Variants in CTNNA2 observed in about 807,000 individuals in gnomAD.
CTNNA2 encodes the protein catenin alpha-2.
CTNNA2 carries 42 observed loss-of-function variants against 101.0 expected under a neutral mutation model. The ratio of observed to expected loss-of-function variants is 0.42; its 90% confidence interval spans 0.32 to 0.54. CTNNA2 has a LOEUF of 0.54. Ranked by LOEUF, CTNNA2 falls within the 20% of genes least tolerant of loss-of-function variation. CTNNA2 has a pLI of 0.14. For synonymous variants in CTNNA2, 450 were observed against 456.4 expected, an observed-to-expected ratio of 0.99 and a Z score of 0.18; for missense variants, 871 against 1,223.1, an observed-to-expected ratio of 0.71 and a Z score of 4.29.
At chr2:79,192,153 G>T (rs1231296664) in intron 1 of CTNNA2, among the ~76,000 whole-genome samples, 1 of 151,894 alleles carries the variant, frequency 6.6e-6, no homozygotes, top group Non-Finnish European at 1.5e-5. Flanking sequence ...GGAGGGAGGG[G>T]GTGTAACGAG....
chr2:79,229,937 AG>A (rs1674468393), intron 2 of CTNNA2, among the ~76,000 whole-genome samples: 1 of 152,172 alleles, frequency 6.6e-6, no homozygotes, highest in Admixed American at 6.5e-5. Flanking sequence ...TGAACTTGAG[AG>A]GGATAATTTA....
intron 3 of CTNNA2, among the ~76,000 whole-genome samples, chr2:79,770,273 C>T (rs1458496622): frequency 6.6e-6 from 1 of 152,160 alleles, no homozygotes; most frequent in South Asian, 2.1e-4. Context: ...ACGAGGATTG[C>T]TTCCCTGTCT....
intron 1 of CTNNA2, among the ~76,000 whole-genome samples, chr2:79,194,476 T>A (rs1673932936): frequency 1.3e-5 from 2 of 152,192 alleles, no homozygotes; most frequent in Admixed American, 1.3e-4. Flanking sequence ...AGGCTATTGG[T>A]CTTTCTCTGG....
At chr2:79,528,055 A>G (rs1255268962) in intron 1 of CTNNA2, among the ~76,000 whole-genome samples, 1 of 152,248 alleles carries the variant, frequency 6.6e-6, no homozygotes, top group African/African-American at 2.4e-5. Context: ...AAAGAAAGCC[A>G]GACACAAAAT....
chr2:80,549,316 T>A (rs1028041165), intron 11 of CTNNA2, among the ~76,000 whole-genome samples: 1 of 152,026 alleles, frequency 6.6e-6, no homozygotes, highest in Non-Finnish European at 1.5e-5. Flanking sequence ...TGCCCAAGAG[T>A]TTTGCTTTTT....
chr2:79,844,835 T>C (rs1382281346), intron 3 of CTNNA2, among the ~76,000 whole-genome samples: 1 of 152,092 alleles, frequency 6.6e-6, no homozygotes, highest in East Asian at 1.9e-4. Flanking sequence ...ACTCTGTCTT[T>C]TAGAAACTCA....
At chr2:80,157,347 C>T (rs1392277844) in intron 7 of CTNNA2, among the ~76,000 whole-genome samples, 5 of 152,098 alleles carry the variant, frequency 3.3e-5, no homozygotes, top group Admixed American at 6.5e-5. Flanking sequence ...TCTCAGTAAG[C>T]CCAGCAGGAA....
chr2:79,968,755 A>G (rs1690264544), intron 7 of CTNNA2, among the ~76,000 whole-genome samples: 3 of 152,126 alleles, frequency 2.0e-5, no homozygotes, highest in African/African-American at 7.2e-5. Context: ...TGGTTACTTG[A>G]TATCTGTATG....
chr2:80,218,289 A>G (rs1708386240), intron 7 of CTNNA2, among the ~76,000 whole-genome samples: 1 of 152,240 alleles, frequency 6.6e-6, no homozygotes, highest in South Asian at 2.1e-4. Flanking sequence ...TCTTATGGGA[A>G]GAGGCTGAGG....
intron 3 of CTNNA2, among the ~76,000 whole-genome samples, chr2:79,318,173 T>C (rs1247432378): frequency 6.6e-6 from 1 of 152,146 alleles, no homozygotes; most frequent in Non-Finnish European, 1.5e-5. Context: ...GATAGAATGT[T>C]ATGCACACAT....
rs889010828 is a variant in CTNNA2 at position 80,305,219 on chromosome 2, T to C, written c.1057-87992T>C. The C allele has an allele frequency of 8.1e-6, 8 of 985,366 alleles. No individual in the cohort carries two copies. In the East Asian group the frequency reaches 9.1e-4, roughly 112 times the overall value. 61.0% of individuals were successfully genotyped at this position (985,366 alleles called of 1,614,324 possible). ...TCTTGCGGGTACTGGAATTCTGCAG[T>C]CAGCCAGCCCTTTTTTGAGGTGGAG... On this transcript the variant is annotated intron_variant, in intron 7 of 18. Transcript: ENST00000402739.
At chr2:79,469,853 T>A (rs1202399423) in intron 4 of CTNNA2, among the ~76,000 whole-genome samples, 1 of 152,164 alleles carries the variant, frequency 6.6e-6, no homozygotes, top group East Asian at 1.9e-4. Flanking sequence ...AAACTCTCAA[T>A]AAATTAGCTA....
intron 6 of CTNNA2, among the ~76,000 whole-genome samples, chr2:79,876,745 T>G (rs978881544): frequency 6.6e-6 from 1 of 152,202 alleles, no homozygotes; most frequent in Non-Finnish European, 1.5e-5. Flanking sequence ...CAAAAGGCTT[T>G]CATTCATAAA....
intron 4 of CTNNA2, among the ~76,000 whole-genome samples, chr2:79,495,194 T>C (rs1304097076): frequency 6.6e-6 from 1 of 152,110 alleles, no homozygotes; most frequent in Non-Finnish European, 1.5e-5. Flanking sequence ...ACCCACAGAA[T>C]GGAATAAAGT....
intron 11 of CTNNA2, among the ~76,000 whole-genome samples, chr2:80,550,325 G>C (rs533821657): frequency 1.3e-5 from 2 of 152,306 alleles, no homozygotes; most frequent in South Asian, 2.1e-4. Flanking sequence ...GGTAGGGGGG[G>C]TTTCCTTGAT....
intron 3 of CTNNA2, among the ~76,000 whole-genome samples, chr2:79,829,868 T>C (rs1003092487): frequency 8.6e-5 from 13 of 151,880 alleles, no homozygotes; most frequent in East Asian, 5.9e-4. Context: ...TACAGGCGCC[T>C]GCCACCACGC....
intron 7 of CTNNA2, among the ~76,000 whole-genome samples, chr2:80,354,949 C>T (rs1031970607): frequency 2.6e-5 from 4 of 152,102 alleles, no homozygotes; most frequent in South Asian, 2.1e-4. Context: ...CACCTCTAAA[C>T]CACTCTAATA....
intron 7 of CTNNA2, among the ~76,000 whole-genome samples, chr2:80,076,943 G>A (rs927974606): frequency 2.6e-5 from 4 of 152,088 alleles, no homozygotes; most frequent in African/African-American, 4.8e-5. Context: ...CTACTTGGGA[G>A]GCTGAGGTAG....
chr2:80,393,141 T>C, intron 7 of CTNNA2, 70 bp from the exon 8 acceptor site: 1 of 1,201,884 alleles, frequency 8.3e-7, no homozygotes, highest in Non-Finnish European at 1.2e-6. Flanking sequence ...GTTTTCCTGA[T>C]TTTTTTAAAT....
Sources: allele counts gnomAD v4.1 joint callset (sites outside exome capture counted in the v4.1 genomes callset), GRCh38; gene constraint gnomAD v4.1.1; transcripts MANE v1.5; gene names NCBI Gene and HGNC (gene_info 2026-07-23, HGNC 2026-07-21).